Variants in EPHA3 observed in about 807,000 individuals in gnomAD.
The protein encoded by EPHA3 is EPH receptor A3.
Under a neutral mutation model 107.1 loss-of-function variants are expected in EPHA3, and 42 were observed. That is an observed-to-expected ratio of 0.39 (90% CI 0.31 to 0.51). EPHA3 has a LOEUF of 0.51. Ranked by LOEUF, EPHA3 falls within the 20% of genes least tolerant of loss-of-function variation. The pLI is 0.78. For synonymous variants in EPHA3, 461 were observed against 424.8 expected (o/e 1.09, Z -1.05); for missense variants, 1,183 against 1,211.2 (o/e 0.98, Z 0.35).
At chr3:89,226,556 A>C (rs1388986978) in intron 3 of EPHA3, among the ~76,000 whole-genome samples, 2 of 152,112 alleles carry the variant, frequency 1.3e-5, no homozygotes, top group Non-Finnish European at 2.9e-5. Context: ...GTATTTCTGC[A>C]CTCTAATTTA....
At chr3:89,212,765 T>C (rs897834980) in intron 3 of EPHA3, among the ~76,000 whole-genome samples, 11 of 152,026 alleles carry the variant, frequency 7.2e-5, no homozygotes, top group Admixed American at 5.3e-4. Context: ...AAACTTTGTT[T>C]AGACTTAGTG....
chr3:89,158,691 C>T (rs1286444301), intron 2 of EPHA3, among the ~76,000 whole-genome samples: 1 of 152,106 alleles, frequency 6.6e-6, no homozygotes, highest in East Asian at 1.9e-4. Context: ...GCTTCTCAAA[C>T]ATATTTTACA....
chr3:89,295,830 T>A (rs1453893481), intron 3 of EPHA3, among the ~76,000 whole-genome samples: 3 of 152,172 alleles, frequency 2.0e-5, no homozygotes, highest in African/African-American at 7.2e-5. Context: ...CCTCAGGTGA[T>A]CTGCCTGCCT....
intron 15 of EPHA3, among the ~76,000 whole-genome samples, chr3:89,460,160 T>C (rs1204326999): frequency 1.3e-5 from 2 of 152,142 alleles, no homozygotes; most frequent in South Asian, 2.1e-4. Context: ...TTTGAAGAGA[T>C]GTATGTGTGT....
intron 3 of EPHA3, among the ~76,000 whole-genome samples, chr3:89,285,598 A>T (rs1706063470): frequency 6.6e-6 from 1 of 152,190 alleles, no homozygotes; most frequent in South Asian, 2.1e-4. Context: ...AACCATGCTG[A>T]TAAAGGGTGA....
chr3:89,295,742 C>T (rs1706333962), intron 3 of EPHA3, among the ~76,000 whole-genome samples: 1 of 152,008 alleles, frequency 6.6e-6, no homozygotes, highest in Admixed American at 6.6e-5. Flanking sequence ...AGGCATGCAC[C>T]ACCACACCCG....
chr3:89,341,778 G>T lies in EPHA3; in HGVS notation c.994G>T (p.Val332Phe). The T allele has an allele frequency of 6.2e-7, 1 of 1,612,086 alleles. No homozygotes were observed. Among genetic ancestry groups the T allele is most frequent in the Non-Finnish European group, 8.5e-7 (1 of 1,178,930 alleles). The change falls in exon 5 of 17, where the codon GTT (valine) becomes TTT (phenylalanine). Residue 332 changes from valine to phenylalanine, a missense_variant. Val to Phe is a conservative substitution (Grantham distance 50). Transcript: ENST00000336596. ...CTRPPSSPRN[V>F]ISNINETSVI... ...AGGACCTCCATCTTCACCAAGAAATGTTATCTCTAATATAAACGAGACCTC... is the reference window on the plus strand; with the variant it reads ...AGGACCTCCATCTTCACCAAGAAATTTTATCTCTAATATAAACGAGACCTC...
chr3:89,331,861 TC>T (rs1707296654), intron 3 of EPHA3, among the ~76,000 whole-genome samples: 1 of 152,134 alleles, frequency 6.6e-6, no homozygotes, highest in African/African-American at 2.4e-5. Context: ...AAAACTCCTT[TC>T]TAGGAGTTTT....
At chr3:89,355,964 C>G (rs1201692616) in intron 5 of EPHA3, among the ~76,000 whole-genome samples, 1 of 148,680 alleles carries the variant, frequency 6.7e-6, no homozygotes, top group Non-Finnish European at 1.5e-5. Context: ...GGTACTTCTC[C>G]TAAAGCTATC....
At chr3:89,299,166 T>G (rs1223175035) in intron 3 of EPHA3, among the ~76,000 whole-genome samples, 1 of 152,114 alleles carries the variant, frequency 6.6e-6, no homozygotes, top group African/African-American at 2.4e-5. Context: ...GGCATTCATT[T>G]GTAATAAGAT....
intron 5 of EPHA3, among the ~76,000 whole-genome samples, chr3:89,379,464 G>T (rs987422748): frequency 6.6e-6 from 1 of 152,124 alleles, no homozygotes; most frequent in Non-Finnish European, 1.5e-5. Flanking sequence ...ATCTCTTTTT[G>T]TAGTACTTAA....
At chr3:89,116,984 A>G (rs1707272853) in intron 1 of EPHA3, among the ~76,000 whole-genome samples, 1 of 152,070 alleles carries the variant, frequency 6.6e-6, no homozygotes, top group South Asian at 2.1e-4. Context: ...GCAAATGTAA[A>G]CTGACTTTAA....
At chr3:89,431,412 T>G in intron 13 of EPHA3, 53 bp downstream of exon 13, 4 of 1,486,290 alleles carry the variant, frequency 2.7e-6, no homozygotes, top group Non-Finnish European at 3.7e-6. Flanking sequence ...TCTTGTATCA[T>G]GTTGATTTGT....
Position 89,211,721 on chromosome 3 carries a change from TCTTTTTCTTCTTCTTCTTCTC to T in EPHA3, c.814+1205_814+1225del, listed in dbSNP as rs1346764935. 5.1e-4 allele frequency among the ~76,000 whole-genome samples: 72 copies of T among 141,160 alleles called. 2 individuals carry two copies. The highest frequency in any genetic ancestry group is 3.6e-3 in the Middle Eastern group (1 of 276). 92.6% of individuals were successfully genotyped at this position (141,160 alleles called of 152,430 possible). The stretch of plus-strand genomic sequence containing the variant: ...CTCCCCCTCTTCCTCTTCCTCTTCT[TCTTTTTCTTCTTCTTCTTCTC>T]CTTCTTCTTCTTCTTCTTCTTCTTC... On this transcript the variant is annotated intron_variant, in intron 3 of 16. Coordinates refer to ENST00000336596, the MANE Select transcript of EPHA3 (RefSeq NM_005233.6).
At chr3:89,272,968 CAAAATTAT>C (rs1195115771) in intron 3 of EPHA3, among the ~76,000 whole-genome samples, 1 of 151,776 alleles carries the variant, frequency 6.6e-6, no homozygotes, top group Non-Finnish European at 1.5e-5. Flanking sequence ...TTATTTATTA[CAAAATTAT>C]AATCTACTTA....
At chr3:89,241,615 T>C (rs1298688007) in intron 3 of EPHA3, among the ~76,000 whole-genome samples, 1 of 152,126 alleles carries the variant, frequency 6.6e-6, no homozygotes, top group Non-Finnish European at 1.5e-5. Context: ...TTAATCCTCA[T>C]AACAACTCTC....
chr3:89,144,241 C>G (rs1704489457), intron 2 of EPHA3, among the ~76,000 whole-genome samples: 1 of 151,586 alleles, frequency 6.6e-6, no homozygotes, highest in Admixed American at 6.6e-5. Context: ...CATTCCTTTC[C>G]TCCTCCCACT....
chr3:89,470,757 G>T (rs1710382301), intron 15 of EPHA3, among the ~76,000 whole-genome samples: 1 of 152,206 alleles, frequency 6.6e-6, no homozygotes, highest in African/African-American at 2.4e-5. Flanking sequence ...CAAGAATGTG[G>T]ACTGTGGTAT....
At chr3:89,423,923 G>A (rs1258528740) in intron 11 of EPHA3, among the ~76,000 whole-genome samples, 1 of 151,274 alleles carries the variant, frequency 6.6e-6, no homozygotes, top group African/African-American at 2.4e-5. Context: ...CTAGAGCACT[G>A]GTTTACATAT....
Sources: gnomAD v4.1 joint callset for allele counts (sites outside exome capture counted in the v4.1 genomes callset) on GRCh38, gnomAD v4.1.1 for gene constraint, MANE v1.5 for transcripts, NCBI Gene and HGNC (gene_info 2026-07-23, HGNC 2026-07-21) for gene names.